The following ELSPBP1 variants were observed in gnomAD, a reference collection of about 807,000 sequenced individuals.
The protein encoded by ELSPBP1 is epididymal sperm-binding protein 1.
A neutral mutation model predicts 33.3 loss-of-function variants in ELSPBP1; 38 were observed. The observed-to-expected ratio is 1.14, with a 90% confidence interval of 0.88 to 1.50. The LOEUF (loss-of-function observed/expected upper bound fraction) is 1.50, where lower values mean the gene tolerates loss of function less well. ELSPBP1 is among the 40% of genes most tolerant of loss of function. The pLI, the probability that ELSPBP1 is intolerant of heterozygous loss-of-function variation, is 0.00. For synonymous variants in ELSPBP1, 85 were observed against 94.1 expected (o/e 0.90, Z 0.56); for missense variants, 267 against 263.5 (o/e 1.01, Z -0.09).
At chr19:48,020,470 A>G (rs1967187423) in intron 5 of ELSPBP1, among the ~76,000 whole-genome samples, 2 of 152,228 alleles carry the variant, frequency 1.3e-5, no homozygotes, top group South Asian at 2.1e-4. Context: ...GGGTGAGAAC[A>G]TGTGTGTTGG....
At chr19:48,010,231 C>T (rs1248947019) in intron 2 of ELSPBP1, among the ~76,000 whole-genome samples, 1 of 152,150 alleles carries the variant, frequency 6.6e-6, no homozygotes, top group African/African-American at 2.4e-5. Flanking sequence ...TGACAAATTC[C>T]TGAAAGTTTA....
chr19:48,016,522 TTC>T (rs1367534286), intron 4 of ELSPBP1, among the ~76,000 whole-genome samples: 17 of 87,916 alleles, frequency 1.9e-4, no homozygotes, highest in African/African-American at 5.8e-4. Flanking sequence ...CTTTCTTTCT[TTC>T]TTTCTTCCTT....
intron 2 of ELSPBP1, among the ~76,000 whole-genome samples, chr19:48,009,273 T>A (rs1048596873): frequency 6.6e-6 from 1 of 152,158 alleles, no homozygotes; most frequent in Non-Finnish European, 1.5e-5. Flanking sequence ...GTAACGGCAT[T>A]TATCTCACGG....
At chr19:48,021,840 A>C (rs1377168857) in intron 5 of ELSPBP1, among the ~76,000 whole-genome samples, 1 of 151,616 alleles carries the variant, frequency 6.6e-6, no homozygotes, top group East Asian at 1.9e-4. Context: ...TCGACCTCCC[A>C]GGCTCCAGCA....
rs771265394 is a variant in ELSPBP1 at position 48,011,458 on chromosome 19, GACAATGACAATAATGAGGTTGATGATA to G, written c.71-2711_71-2685del. Among the ~76,000 whole-genome samples the G allele has an allele frequency of 2.0e-5, 3 of 148,494 alleles. No individual in the cohort carries two copies. The highest frequency in any genetic ancestry group is 4.5e-5 in the Non-Finnish European group (3 of 67,004). On this transcript the variant is annotated intron_variant, in intron 2 of 6. Transcript: ENST00000339841. This position sits in a 1 kb window ranked among gnomAD's most constrained non-coding sequence, Gnocchi z 4.5. ...TGATCACGATGACAGTGATGATGAT[GACAATGACAATAATGAGGTTGATGATA>G]ATGACAATGACTGATAATGATGATG...
At chr19:48,001,891 C>G (rs1270376405) in intron 1 of ELSPBP1, among the ~76,000 whole-genome samples, 1 of 151,892 alleles carries the variant, frequency 6.6e-6, no homozygotes, top group African/African-American at 2.4e-5. Context: ...GATACGAGGT[C>G]TCACTATGTT....
intron 1 of ELSPBP1, among the ~76,000 whole-genome samples, chr19:47,998,798 A>AAC (rs1204030863): frequency 5.9e-5 from 9 of 151,894 alleles, no homozygotes; most frequent in Non-Finnish European, 1.0e-4. Flanking sequence ...AAAAAAAAAA[A>AAC]AAAAAAAATG....
chr19:48,012,236 C>A (rs999412738), intron 2 of ELSPBP1, among the ~76,000 whole-genome samples: 5 of 152,096 alleles, frequency 3.3e-5, no homozygotes, highest in African/African-American at 1.2e-4. Flanking sequence ...AAGGGTCTTC[C>A]CCTCAGCCTC....
At chr19:47,995,787 G>A (rs2122282697) in intron 1 of ELSPBP1, among the ~76,000 whole-genome samples, 1 of 152,294 alleles carries the variant, frequency 6.6e-6, no homozygotes, top group East Asian at 1.9e-4. Context: ...TAGGAATACT[G>A]ACTTGGAGTT....
chr19:48,002,142 C>T (rs962011246), intron 1 of ELSPBP1, among the ~76,000 whole-genome samples: 2 of 152,162 alleles, frequency 1.3e-5, no homozygotes, highest in South Asian at 2.1e-4. Context: ...CAGTGATCAC[C>T]ATCCCTTCCA....
intron 6 of ELSPBP1, among the ~76,000 whole-genome samples, chr19:48,023,287 G>A (rs62652782): frequency 0.76 from 97,227 of 128,528 alleles, 36,334 homozygotes; most frequent in East Asian, 0.84. Flanking sequence ...AAAGGAGGGA[G>A]GAAAGGAAGG....
chr19:48,018,794 AT>A (rs113441528), intron 4 of ELSPBP1, among the ~76,000 whole-genome samples: 226 of 152,090 alleles, frequency 1.5e-3, no homozygotes, highest in South Asian at 7.7e-3. Flanking sequence ...ACCAAAGGAA[AT>A]TAAAAAAAAA....
At chr19:48,020,659 G>C (rs567513581) in intron 5 of ELSPBP1, among the ~76,000 whole-genome samples, 249 of 152,274 alleles carry the variant, frequency 1.6e-3, no homozygotes, top group African/African-American at 4.3e-3. Context: ...TCCACCAGGT[G>C]CTCCTGGTGA....
intron 1 of ELSPBP1, among the ~76,000 whole-genome samples, chr19:47,997,157 G>A (rs1966919261): frequency 6.6e-6 from 1 of 152,062 alleles, no homozygotes; most frequent in African/African-American, 2.4e-5. Context: ...AACACCAAGA[G>A]GCCCCGGCAC....
intron 6 of ELSPBP1, among the ~76,000 whole-genome samples, chr19:48,024,036 ATTTTT>A (rs111833936): frequency 3.3e-4 from 44 of 131,918 alleles, no homozygotes; most frequent in Non-Finnish European, 4.0e-4. Context: ...ATGCCCAGCA[ATTTTT>A]TTTTTTTTTT....
At chr19:48,013,870 G>T (rs566638408) in intron 2 of ELSPBP1, among the ~76,000 whole-genome samples, 1 of 152,248 alleles carries the variant, frequency 6.6e-6, no homozygotes, top group African/African-American at 2.4e-5. Context: ...CCTGCCTCCT[G>T]GTTCACAGAT....
intron 1 of ELSPBP1, among the ~76,000 whole-genome samples, chr19:48,007,184 G>A (rs1376564450): frequency 2.0e-5 from 3 of 152,104 alleles, no homozygotes; most frequent in Admixed American, 6.5e-5. Context: ...GACCCTCGTG[G>A]CCACCCGGAG....
intron 2 of ELSPBP1, 124 bp downstream of exon 2, chr19:48,008,861 C>A: frequency 2.4e-6 from 2 of 830,492 alleles, no homozygotes; most frequent in Non-Finnish European, 3.8e-6. Flanking sequence ...AGAAGCTGGG[C>A]GCGGTGGCTG....
rs772367249 is a variant in ELSPBP1, at chr19:48,019,887, G to T, written c.514+10G>T. On this transcript the variant is annotated intron_variant, in intron 5 of 6. Transcript: ENST00000339841. ...TTCTGTGCCGACACCAGTAATCTGG[G>T]GATGGGGGTTGGGTGGGTGTGGGTG... The T allele has an allele frequency of 6.2e-7, 1 of 1,612,412 alleles. No individual in the cohort carries two copies. Among genetic ancestry groups the T allele is most frequent in the South Asian group, 1.1e-5 (1 of 90,852 alleles).
Sources: gnomAD v4.1 joint callset for allele counts (sites outside exome capture counted in the v4.1 genomes callset) on GRCh38, gnomAD v4.1.1 for gene constraint, Gnocchi (gnomAD v3.1) non-coding constraint, MANE v1.5 for transcripts, NCBI Gene and HGNC (gene_info 2026-07-23, HGNC 2026-07-21) for gene names.